The following FOXP1 variants were observed in gnomAD, a reference collection of about 807,000 sequenced individuals.
FOXP1 encodes the protein forkhead box P1, also known as forkhead box protein P1.
A neutral mutation model predicts 98.2 loss-of-function variants in FOXP1; 15 were observed. The ratio of observed to expected loss-of-function variants is 0.15; its 90% CI spans 0.10 to 0.24. The LOEUF (loss-of-function observed/expected upper bound fraction) is 0.24. Among genes scored for constraint, FOXP1 ranks in the 10% least tolerant of loss-of-function variants. The pLI is 1.00. For missense variants in FOXP1, 633 were observed against 848.5 expected (o/e 0.75, Z 3.15); for synonymous variants, 371 against 314.5 (o/e 1.18, Z -1.90).
chr3:71,345,097 A>G (rs931024022), intron 4 of FOXP1, among the ~76,000 whole-genome samples: 2 of 152,150 alleles, frequency 1.3e-5, no homozygotes, highest in Non-Finnish European at 2.9e-5. Flanking sequence ...TTTATAAAAT[A>G]TACCAAAAAA....
At chr3:71,103,590 T>C (rs2057165509) in intron 7 of FOXP1, among the ~76,000 whole-genome samples, 1 of 152,012 alleles carries the variant, frequency 6.6e-6, no homozygotes, top group South Asian at 2.1e-4. Context: ...CTCCAGGAAA[T>C]TTTCTAACCA....
intron 4 of FOXP1, among the ~76,000 whole-genome samples, chr3:71,325,223 T>A (rs967188345): frequency 1.3e-5 from 2 of 152,028 alleles, no homozygotes; most frequent in African/African-American, 4.8e-5. Flanking sequence ...CGGATAATTT[T>A]TGTATTTTTA....
chr3:71,464,612 C>G (rs1304662627), intron 3 of FOXP1, among the ~76,000 whole-genome samples: 14 of 152,124 alleles, frequency 9.2e-5, no homozygotes, highest in Non-Finnish European at 1.0e-4. Flanking sequence ...CTGGCACTTT[C>G]AAAAAACAGC....
intron 5 of FOXP1, among the ~76,000 whole-genome samples, chr3:71,222,655 G>T (rs1014825210): frequency 6.6e-6 from 1 of 152,142 alleles, no homozygotes; most frequent in African/African-American, 2.4e-5. Flanking sequence ...CTGACCTCAG[G>T]TTATCTGCCT....
chr3:71,415,095 C>T (rs181169437), intron 3 of FOXP1, among the ~76,000 whole-genome samples: 49 of 152,296 alleles, frequency 3.2e-4, no homozygotes, highest in Admixed American at 5.2e-4. Context: ...ATCTGAACTA[C>T]CTCCTCCACA....
chr3:70,997,584 T>C (rs2041565268), intron 13 of FOXP1, among the ~76,000 whole-genome samples: 1 of 152,200 alleles, frequency 6.6e-6, no homozygotes, highest in Admixed American at 6.5e-5. Context: ...GAGTGATAAC[T>C]AATGGATATA....
chr3:71,406,452 G>T (rs541200374), intron 3 of FOXP1, among the ~76,000 whole-genome samples: 4 of 122,426 alleles, frequency 3.3e-5, no homozygotes, highest in Non-Finnish European at 5.6e-5. Context: ...TGACACATGC[G>T]TATCTTGTGT....
At chr3:71,583,812 G>A, upstream of FOXP1, 1 of 987,298 alleles carries the variant, frequency 1.0e-6, no homozygotes, top group Non-Finnish European at 1.2e-6. Flanking sequence ...GCCGGTGGCG[G>A]CGGCGGCGGC....
At position 71,199,110 on chromosome 3, in the gene FOXP1, C is replaced by CTTT. The variant is rs11441489; in HGVS notation, c.-11-721_-11-719dup. 2.1e-4 allele frequency among the ~76,000 whole-genome samples: 29 copies of CTTT among 140,260 alleles called. 2 individuals carry two copies. The highest frequency in any genetic ancestry group is 5.8e-4 in the African/African-American group (22 of 37,758). 92.0% of individuals were successfully genotyped at this position (140,260 alleles called of 152,430 possible). A position where few individuals can be genotyped will look rare whatever the true frequency, so the allele number is the denominator to read the frequency against. ...GCAGGCACTATTTGTTGGTATTACA[C>CTTT]TTTTTTTTTTTTTTTGAGACAGAGC... On this transcript the variant is annotated intron_variant, in intron 5 of 20. Coordinates refer to ENST00000649528, the MANE Select transcript of FOXP1 (RefSeq NM_001349338.3).
intron 7 of FOXP1, among the ~76,000 whole-genome samples, chr3:71,074,225 C>CATT (rs917352653): frequency 5.3e-5 from 8 of 152,046 alleles, no homozygotes; most frequent in Admixed American, 2.0e-4. Context: ...TAAGAGCTTA[C>CATT]ATTATTATTA....
At position 70,964,072 on chromosome 3, in the gene FOXP1, G is replaced by A. The variant is rs151095597; in HGVS notation, c.1889+1818C>T. ...TACAGAATTCTCTTAATGGAAATAT[G>A]AGGTCAAAAAGAGTAACAGTCTATT... On this transcript the variant is annotated intron_variant, in intron 20 of 20. Transcript: ENST00000649528. Among the ~76,000 whole-genome samples, 463 of 152,300 alleles carry A rather than the reference G, an allele frequency of 3.0e-3. 2 individuals carry two copies. The highest frequency in any genetic ancestry group is 0.011 in the African/African-American group (437 of 41,566).
chr3:71,467,488 C>T (rs1433575128), intron 3 of FOXP1, among the ~76,000 whole-genome samples: 1 of 152,180 alleles, frequency 6.6e-6, no homozygotes, highest in African/African-American at 2.4e-5. Context: ...TTCTAAGACA[C>T]GGCGGCCCTT....
intron 3 of FOXP1, among the ~76,000 whole-genome samples, chr3:71,482,182 C>T (rs1227662718): frequency 1.3e-5 from 2 of 152,056 alleles, no homozygotes; most frequent in South Asian, 2.1e-4. Context: ...TCCTTCAATA[C>T]CACCTCTAAG....
chr3:71,137,928 G>C (rs1245826758), intron 6 of FOXP1, among the ~76,000 whole-genome samples: 1 of 151,932 alleles, frequency 6.6e-6, no homozygotes, highest in African/African-American at 2.4e-5. Context: ...AAACTGATGA[G>C]CACCCACCAG....
intron 2 of FOXP1, among the ~76,000 whole-genome samples, chr3:71,527,707 T>C (rs2043503824): frequency 6.6e-6 from 1 of 152,096 alleles, no homozygotes; most frequent in Non-Finnish European, 1.5e-5. Context: ...CGACAATCTG[T>C]ACAATAGGGG....
At chr3:71,043,545 C>T (rs1476488796) in intron 10 of FOXP1, among the ~76,000 whole-genome samples, 5 of 152,140 alleles carry the variant, frequency 3.3e-5, no homozygotes, top group Non-Finnish European at 2.9e-5. Flanking sequence ...ACTGTTTACT[C>T]AATGGAAACA....
intron 19 of FOXP1, chr3:70,968,435 T>C (rs2035457434): frequency 6.6e-6 from 1 of 151,090 alleles, no homozygotes; most frequent in South Asian, 2.1e-4. Context: ...GAGTTAATTA[T>C]ATAAATGGTC....
At chr3:71,202,917 C>T (rs1265701149) in intron 5 of FOXP1, among the ~76,000 whole-genome samples, 3 of 152,152 alleles carry the variant, frequency 2.0e-5, no homozygotes, top group Non-Finnish European at 4.4e-5. Flanking sequence ...CATCAAGGGA[C>T]GTTGCACCCT....
chr3:71,160,011 T>C (rs1266254656), intron 6 of FOXP1, among the ~76,000 whole-genome samples: 1 of 152,184 alleles, frequency 6.6e-6, no homozygotes, highest in African/African-American at 2.4e-5. Flanking sequence ...AGGATTCTGT[T>C]CACTTCCTTC....
Sources: allele counts gnomAD v4.1 joint callset (sites outside exome capture counted in the v4.1 genomes callset), GRCh38; gene constraint gnomAD v4.1.1; transcripts MANE v1.5; gene names NCBI Gene and HGNC (gene_info 2026-07-23, HGNC 2026-07-21).